Variants in TASP1 observed in about 807,000 individuals in gnomAD.
The protein encoded by TASP1 is taspase 1.
In TASP1, 16 loss-of-function variants were observed where a neutral mutation model predicts 56.6. The observed-to-expected ratio is 0.28, with a 90% CI of 0.19 to 0.43. The LOEUF is 0.43. Among genes scored for constraint, TASP1 ranks in the 20% least tolerant of loss-of-function variants. The pLI is 1.00. For synonymous variants in TASP1, 179 were observed against 184.2 expected, an observed-to-expected ratio of 0.97 and a Z score of 0.23; for missense variants, 393 against 511.6, an observed-to-expected ratio of 0.77 and a Z score of 2.24.
At chr20:13,360,634 C>G in the TASP1 span, among the ~76,000 whole-genome samples, 10 of 152,182 alleles carry the variant, frequency 6.6e-5, no homozygotes, top group African/African-American at 2.4e-4. Context: ...CAGAGGCCCT[C>G]AAAATCACAA....
chr20:13,387,183 C>CTTTTTT (rs1568732036), downstream of TASP1, among the ~76,000 whole-genome samples: 4 of 94,956 alleles, frequency 4.2e-5, no homozygotes, highest in East Asian at 3.1e-4. Context: ...GACATGATTT[C>CTTTTTT]ATTTTTTTTT....
At chr20:13,490,429 AC>A (rs775283928) in intron 10 of TASP1, among the ~76,000 whole-genome samples, 4 of 152,092 alleles carry the variant, frequency 2.6e-5, no homozygotes, top group Admixed American at 6.6e-5. Flanking sequence ...AGTTGGCAAA[AC>A]CCCAAGGAAA....
At chr20:13,351,167 T>C in the TASP1 span, among the ~76,000 whole-genome samples, 1 of 152,132 alleles carries the variant, frequency 6.6e-6, no homozygotes, top group African/African-American at 2.4e-5. Flanking sequence ...CTTAAAAAAA[T>C]TGACAACACC....
At chr20:13,247,557 T>TGTAG in the TASP1 span, among the ~76,000 whole-genome samples, 16 of 147,028 alleles carry the variant, frequency 1.1e-4, no homozygotes, top group Non-Finnish European at 1.9e-4. Flanking sequence ...TGTGTGTGTG[T>TGTAG]GTAGGTAGGT....
rs1848711276 is a variant in TASP1 at position 13,499,544 on chromosome 20, T to C, written c.875-16207A>G. On this transcript the variant is annotated intron_variant, in intron 10 of 13. Coordinates refer to ENST00000337743, the MANE Select transcript of TASP1 (RefSeq NM_017714.3). ...AGTTACTTCACCCAGTTTTTGAATTTTGTTGAACAGACTATGATACTTGGA... is the reference window on the plus strand; with the variant it reads ...AGTTACTTCACCCAGTTTTTGAATTCTGTTGAACAGACTATGATACTTGGA... 2.0e-5 allele frequency among the ~76,000 whole-genome samples: 3 copies of C among 151,978 alleles called. No individual in the cohort carries two copies. In the South Asian group the frequency reaches 6.2e-4, roughly 32 times the overall value.
the TASP1 span, among the ~76,000 whole-genome samples, chr20:13,268,341 CTTCTTCCTCTCTCTCTCTCTCT>C: frequency 2.2e-5 from 3 of 136,186 alleles, no homozygotes; most frequent in African/African-American, 8.3e-5. Context: ...CCTTCTCCTT[CTTCTTCCTCTCTCTCTCTCTCT>C]CTCTCTCTCT....
At chr20:13,119,463 A>T in the TASP1 span, among the ~76,000 whole-genome samples, 1 of 152,174 alleles carries the variant, frequency 6.6e-6, no homozygotes, top group Non-Finnish European at 1.5e-5. Context: ...CACAATTTCT[A>T]TTCATTTGGC....
At chr20:13,254,741 C>T in the TASP1 span, among the ~76,000 whole-genome samples, 396 of 152,334 alleles carry the variant, frequency 2.6e-3, 3 homozygotes, top group African/African-American at 8.9e-3. Flanking sequence ...AGGGCCAACA[C>T]AGGAACAGAG....
the TASP1 span, among the ~76,000 whole-genome samples, chr20:13,179,396 G>A: frequency 4.0e-5 from 4 of 100,550 alleles, no homozygotes; most frequent in African/African-American, 1.1e-4. Flanking sequence ...TGGATAAGTA[G>A]AATTATGTGC....
intron 13 of TASP1, among the ~76,000 whole-genome samples, chr20:13,405,998 G>C (rs1317928985): frequency 6.6e-6 from 1 of 152,168 alleles, no homozygotes; most frequent in Non-Finnish European, 1.5e-5. Flanking sequence ...GAGCTGGACG[G>C]TATTCCTGCT....
the TASP1 span, among the ~76,000 whole-genome samples, chr20:13,147,206 T>C: frequency 1.3e-5 from 2 of 152,120 alleles, no homozygotes; most frequent in Non-Finnish European, 2.9e-5. Context: ...TATGTGACTA[T>C]AAAACATGCT....
At chr20:13,161,291 G>T in the TASP1 span, among the ~76,000 whole-genome samples, 37 of 152,270 alleles carry the variant, frequency 2.4e-4, no homozygotes, top group Non-Finnish European at 5.1e-4. Flanking sequence ...ATGGGAGTGG[G>T]GGAATAGAAT....
the TASP1 span, among the ~76,000 whole-genome samples, chr20:13,215,660 G>A: frequency 1.3e-5 from 2 of 152,218 alleles, no homozygotes; most frequent in African/African-American, 4.8e-5. Flanking sequence ...TTCTGGGGAA[G>A]AATAGCACTC....
chr20:13,565,453 A>G (rs1016650476), intron 7 of TASP1, among the ~76,000 whole-genome samples: 3 of 152,236 alleles, frequency 2.0e-5, no homozygotes, highest in Non-Finnish European at 4.4e-5. Context: ...GTCATATCGG[A>G]TAAGTGTTAA....
At chr20:13,331,547 T>TTTCTTTATC in the TASP1 span, among the ~76,000 whole-genome samples, 1 of 152,294 alleles carries the variant, frequency 6.6e-6, no homozygotes, top group Admixed American at 6.5e-5. Context: ...AGCTTTGCCT[T>TTTCTTTATC]GGAGAAGGAG....
chr20:13,159,752 T>C, the TASP1 span, among the ~76,000 whole-genome samples: 2 of 152,168 alleles, frequency 1.3e-5, no homozygotes, highest in African/African-American at 4.8e-5. Flanking sequence ...TCCACAATTA[T>C]CTAATGAGTG....
At chr20:13,257,336 GA>G in the TASP1 span, among the ~76,000 whole-genome samples, 1 of 152,154 alleles carries the variant, frequency 6.6e-6, no homozygotes, top group Non-Finnish European at 1.5e-5. Flanking sequence ...CCAACATGGT[GA>G]AAACCTGTCT....
chr20:13,506,454 T>C (rs763168033), intron 10 of TASP1, among the ~76,000 whole-genome samples: 5 of 152,170 alleles, frequency 3.3e-5, no homozygotes, highest in Non-Finnish European at 7.4e-5. Flanking sequence ...AGAAAATTAC[T>C]GTCCAATATC....
the TASP1 span, among the ~76,000 whole-genome samples, chr20:13,178,196 AC>A: frequency 6.6e-6 from 1 of 152,204 alleles, no homozygotes; most frequent in Non-Finnish European, 1.5e-5. Flanking sequence ...AATAAAAACC[AC>A]AGTGAGGTAA....
Sources: gnomAD v4.1 joint callset for allele counts (sites outside exome capture counted in the v4.1 genomes callset) on GRCh38, gnomAD v4.1.1 for gene constraint, MANE v1.5 for transcripts, NCBI Gene and HGNC (gene_info 2026-07-23, HGNC 2026-07-21) for gene names.